SCMH1: variants seen among roughly 807,000 people sequenced by gnomAD.
SCMH1 encodes the protein polycomb protein SCMH1.
Under a neutral mutation model 70.8 loss-of-function variants are expected in SCMH1, and 37 were observed. The observed-to-expected ratio is 0.52, with a 90% confidence interval of 0.40 to 0.69. The LOEUF is 0.69. Ranked by LOEUF, SCMH1 falls within the 30% of genes least tolerant of loss-of-function variation. SCMH1 has a pLI of 0.00. For missense variants in SCMH1, 607 were observed against 827.3 expected, an observed-to-expected ratio of 0.73 and a Z score of 3.27; for synonymous variants, 292 against 307.4, an observed-to-expected ratio of 0.95 and a Z score of 0.52.
intron 1 of SCMH1, among the ~76,000 whole-genome samples, chr1:41,204,943 C>T (rs1655164908): frequency 6.6e-6 from 1 of 152,052 alleles, no homozygotes; most frequent in Non-Finnish European, 1.5e-5. Flanking sequence ...AATTATATGA[C>T]CAGAATAGTG....
At chr1:41,164,950 TAC>T (rs890035437) in intron 2 of SCMH1, among the ~76,000 whole-genome samples, 1 of 152,152 alleles carries the variant, frequency 6.6e-6, no homozygotes, top group Non-Finnish European at 1.5e-5. Flanking sequence ...TATTATTAAC[TAC>T]AGTCAACATG....
chr1:41,222,194 GGAA>G (rs1207700481), intron 1 of SCMH1, among the ~76,000 whole-genome samples: 1 of 151,410 alleles, frequency 6.6e-6, no homozygotes, highest in African/African-American at 2.4e-5. Flanking sequence ...ACAAGGGAAG[GGAA>G]GAAGAAGAAA....
At chr1:41,115,285 T>G (rs531601421) in intron 7 of SCMH1, among the ~76,000 whole-genome samples, 1 of 152,358 alleles carries the variant, frequency 6.6e-6, no homozygotes, top group Admixed American at 6.5e-5. Flanking sequence ...CCTAGTGATT[T>G]GTGGATTTTC....
At chr1:41,160,180 C>A (rs1645898659) in intron 4 of SCMH1, among the ~76,000 whole-genome samples, 1 of 152,120 alleles carries the variant, frequency 6.6e-6, no homozygotes, top group Admixed American at 6.6e-5. Context: ...AAATAAATAT[C>A]AAGTTGTAAC....
chr1:41,137,188 TTTGAG>T (rs1643486050), intron 6 of SCMH1, among the ~76,000 whole-genome samples: 1 of 152,228 alleles, frequency 6.6e-6, no homozygotes, highest in Non-Finnish European at 1.5e-5. Context: ...TTTCTAGCTC[TTTGAG>T]TTGGGAATTT....
intron 8 of SCMH1, among the ~76,000 whole-genome samples, chr1:41,100,563 T>TTCTG: frequency 1.4e-5 from 1 of 70,248 alleles, no homozygotes; most frequent in Middle Eastern, 7.1e-3. Context: ...TTTCTTTTCT[T>TTCTG]TTTCTTTTTT....
Position 41,143,132 on chromosome 1 carries a change from A to G in SCMH1, c.178-20T>C. On this transcript the variant is annotated intron_variant, in intron 5 of 14. Coordinates refer to ENST00000337495, the Ensembl canonical transcript of SCMH1. ...GTAGGACTGGGAAAAACAAGGCATG[A>G]GGTATAGACAGATTAAGAGTAAAAC... is the stretch of plus-strand genomic sequence containing the variant. 1 of 1,591,900 alleles carries G rather than the reference A, an allele frequency of 6.3e-7. No individual in the cohort carries two copies.
At chr1:41,236,668 C>A (rs901172507) in intron 1 of SCMH1, among the ~76,000 whole-genome samples, 7 of 144,390 alleles carry the variant, frequency 4.8e-5, no homozygotes, top group Admixed American at 4.8e-4. Flanking sequence ...ATGATCGGAT[C>A]CCTACATAAA....
At chr1:41,031,123 C>A (rs778013797) in intron 13 of SCMH1, among the ~76,000 whole-genome samples, 2 of 152,086 alleles carry the variant, frequency 1.3e-5, no homozygotes, top group Non-Finnish European at 1.5e-5. Context: ...CCTGTCTCTA[C>A]AAAACAAGTA....
chr1:41,188,101 A>G (rs1650741491), intron 1 of SCMH1, among the ~76,000 whole-genome samples: 2 of 152,254 alleles, frequency 1.3e-5, no homozygotes, highest in South Asian at 4.1e-4. Flanking sequence ...AGGGGCTGGA[A>G]TAAGAACAGT....
chr1:41,172,995 TGTA>T (rs1319239741), intron 2 of SCMH1, among the ~76,000 whole-genome samples: 1 of 151,166 alleles, frequency 6.6e-6, no homozygotes, highest in Non-Finnish European at 1.5e-5. Context: ...AGAAAAAAAA[TGTA>T]GGAGAAATGC....
At chr1:41,140,485 G>T (rs1051575182) in intron 6 of SCMH1, among the ~76,000 whole-genome samples, 1 of 152,010 alleles carries the variant, frequency 6.6e-6, no homozygotes, top group Non-Finnish European at 1.5e-5. Flanking sequence ...TAGAGACGAG[G>T]TTTCACCATG....
At chr1:41,119,638 G>A (rs776241042) in intron 6 of SCMH1, among the ~76,000 whole-genome samples, 1 of 152,210 alleles carries the variant, frequency 6.6e-6, no homozygotes, top group Admixed American at 6.5e-5. Context: ...TGAGATTGAC[G>A]TTGGAGAAGA....
At chr1:41,052,891 G>T (rs1234452310) in intron 10 of SCMH1, among the ~76,000 whole-genome samples, 1 of 150,406 alleles carries the variant, frequency 6.6e-6, no homozygotes, top group African/African-American at 2.4e-5. Context: ...AGTCACATGG[G>T]TGCTTAAAAC....
upstream of SCMH1, chr1:41,242,254 C>G (rs1329024785): frequency 6.9e-6 from 1 of 143,942 alleles, no homozygotes; most frequent in Admixed American, 6.8e-5. This position sits in a 1 kb window ranked among gnomAD's most constrained non-coding sequence, Gnocchi z 5.2. Flanking sequence ...CCCGGCCCCT[C>G]CCCCGCGCCT....
chr1:41,117,528 ACT>A lies in SCMH1; in HGVS notation c.413-520_413-519del, dbSNP rs1257601146. Among the ~76,000 whole-genome samples, 3 of 149,178 alleles carry A rather than the reference ACT, an allele frequency of 2.0e-5. No individual in the cohort carries two copies. The South Asian group carries it at 6.3e-4, about 32-fold the overall frequency. ...CTTTCCCCGGGGAAGTTTAGAGAAG[ACT>A]CTACTCCTCCACCTCTTGCGGAGGG... On this transcript the variant is annotated intron_variant, in intron 6 of 14. Coordinates refer to ENST00000337495, the Ensembl canonical transcript of SCMH1.
At chr1:41,067,458 C>CAAAAAAAA (rs60607308) in intron 10 of SCMH1, among the ~76,000 whole-genome samples, 7 of 60,294 alleles carry the variant, frequency 1.2e-4, no homozygotes, top group African/African-American at 3.2e-4. Flanking sequence ...ACAACAACAA[C>CAAAAAAAA]AAAAAAAAAA....
intron 1 of SCMH1, among the ~76,000 whole-genome samples, chr1:41,217,311 G>A (rs910255918): frequency 6.6e-5 from 10 of 152,166 alleles, no homozygotes; most frequent in African/African-American, 1.7e-4. Context: ...TAGCTGAGGC[G>A]ATTTCTAAGC....
chr1:41,038,718 G>C (rs1645666505), intron 12 of SCMH1, among the ~76,000 whole-genome samples: 1 of 151,828 alleles, frequency 6.6e-6, no homozygotes, highest in Admixed American at 6.6e-5. Context: ...TAAGTCTGAG[G>C]GTCCATAATA....
Sources: allele counts gnomAD v4.1 joint callset (sites outside exome capture counted in the v4.1 genomes callset), GRCh38; gene constraint gnomAD v4.1.1; non-coding constraint Gnocchi (gnomAD v3.1); transcripts MANE v1.5; gene names NCBI Gene and HGNC (gene_info 2026-07-23, HGNC 2026-07-21).